ITGA8: variants seen among roughly 807,000 people sequenced by gnomAD.
The protein encoded by ITGA8 is integrin subunit alpha 8.
A neutral mutation model predicts 142.3 loss-of-function variants in ITGA8; 91 were observed. The ratio of observed to expected loss-of-function variants is 0.64; its 90% CI spans 0.54 to 0.76. The LOEUF (loss-of-function observed/expected upper bound fraction) is 0.76, where lower values mean the gene tolerates loss of function less well. Ranked by LOEUF, ITGA8 falls within the 30% of genes least tolerant of loss-of-function variation. The probability of loss-of-function intolerance (pLI) is 0.00; values close to 1 mark genes in which losing one functional copy is unlikely to be tolerated. For missense variants in ITGA8, 1,406 were observed against 1,327.7 expected, an observed-to-expected ratio of 1.06 and a Z score of -0.92; for synonymous variants, 505 against 485.2, an observed-to-expected ratio of 1.04 and a Z score of -0.54.
chr10:15,671,309 C>T (rs1302082781), intron 8 of ITGA8, among the ~76,000 whole-genome samples: 1 of 152,122 alleles, frequency 6.6e-6, no homozygotes, highest in Non-Finnish European at 1.5e-5. Flanking sequence ...TTTGATCTGT[C>T]ACTAACAGTA....
intron 21 of ITGA8, among the ~76,000 whole-genome samples, chr10:15,594,754 C>CCA (rs1167250947): frequency 6.6e-6 from 1 of 152,054 alleles, no homozygotes. Flanking sequence ...TGCACTCTAG[C>CCA]CAGGGCAATA....
intron 3 of ITGA8, among the ~76,000 whole-genome samples, chr10:15,687,158 G>A (rs1263712095): frequency 1.3e-5 from 2 of 151,992 alleles, no homozygotes; most frequent in African/African-American, 4.8e-5. Flanking sequence ...AAATCTTTTT[G>A]GGGTTAACAG....
chr10:15,598,816 C>A (rs944903203), intron 20 of ITGA8, among the ~76,000 whole-genome samples: 1 of 152,206 alleles, frequency 6.6e-6, no homozygotes, highest in African/African-American at 2.4e-5. Flanking sequence ...TACATCCTCT[C>A]TTCAAATATC....
chr10:15,692,698 T>C (rs1460999120), intron 2 of ITGA8, among the ~76,000 whole-genome samples: 2 of 152,206 alleles, frequency 1.3e-5, no homozygotes, highest in Non-Finnish European at 2.9e-5. Flanking sequence ...ACATACACTT[T>C]GCAGATGTCA....
At position 15,619,848 on chromosome 10, in the gene ITGA8, C is replaced by T. The variant is rs939524999; in HGVS notation, c.1400-3289G>A. 3.9e-5 allele frequency among the ~76,000 whole-genome samples: 6 copies of T among 152,208 alleles called. No individual in the cohort carries two copies. The East Asian group carries it at 5.8e-4, about 15-fold the overall frequency. On this transcript the variant is annotated intron_variant, in intron 13 of 29. Coordinates refer to ENST00000378076, the MANE Select transcript of ITGA8 (RefSeq NM_003638.3). ...CCTGAATCCATATCTGTTGACATGACACCAGATAGGAGAGCTCTGTTATGA... is the reference window on the plus strand; with the variant it reads ...CCTGAATCCATATCTGTTGACATGATACCAGATAGGAGAGCTCTGTTATGA...
intron 2 of ITGA8, among the ~76,000 whole-genome samples, chr10:15,709,656 TG>T (rs1382457383): frequency 3.9e-5 from 6 of 152,208 alleles, no homozygotes; most frequent in African/African-American, 1.4e-4. Flanking sequence ...TAACAAGTTT[TG>T]TGAACTGATT....
chr10:15,530,305 T>A (rs1378660183), intron 28 of ITGA8, among the ~76,000 whole-genome samples: 1 of 152,112 alleles, frequency 6.6e-6, no homozygotes, highest in Non-Finnish European at 1.5e-5. Context: ...CCCAGCACTT[T>A]CGGAGGCTGA....
At chr10:15,589,526 T>A (rs1832886629) in intron 22 of ITGA8, among the ~76,000 whole-genome samples, 2 of 152,200 alleles carry the variant, frequency 1.3e-5, no homozygotes, top group Admixed American at 6.5e-5. Context: ...CTTCTATTTG[T>A]GGAAAAGGGA....
At chr10:15,556,718 A>G (rs761791805) in intron 26 of ITGA8, among the ~76,000 whole-genome samples, 1 of 152,186 alleles carries the variant, frequency 6.6e-6, no homozygotes, top group Non-Finnish European at 1.5e-5. Context: ...TGTTCCAATT[A>G]TGCTCTTTTA....
intron 13 of ITGA8, among the ~76,000 whole-genome samples, chr10:15,641,988 T>C (rs1383560254): frequency 6.6e-6 from 1 of 151,838 alleles, no homozygotes; most frequent in Non-Finnish European, 1.5e-5. Flanking sequence ...ATGAGCTGAG[T>C]GTGGTGGCAC....
intron 28 of ITGA8, among the ~76,000 whole-genome samples, chr10:15,520,826 A>C (rs959199495): frequency 6.6e-5 from 10 of 152,204 alleles, no homozygotes; most frequent in African/African-American, 2.4e-4. Flanking sequence ...GGATCATTTC[A>C]ATCCTGAAAC....
At chr10:15,542,856 G>A (rs1833599048) in intron 27 of ITGA8, among the ~76,000 whole-genome samples, 2 of 152,168 alleles carry the variant, frequency 1.3e-5, no homozygotes. Flanking sequence ...CATGTATCAT[G>A]GTGCTTAGCT....
chr10:15,545,020 G>A (rs1292821872), intron 27 of ITGA8, among the ~76,000 whole-genome samples: 1 of 152,096 alleles, frequency 6.6e-6, no homozygotes, highest in Non-Finnish European at 1.5e-5. Context: ...TGTAACCTCA[G>A]GAGAGACACT....
rs761508386 is a variant in ITGA8, at chr10:15,613,759, G to C, written c.1454C>G (p.Pro485Arg). Reference sequence around the variant, plus strand: ...AAGCTGGGCATCTACAGTCACAACCGGTCTTGCTCTGCGGGGAGAAAATGC... The same window carrying C: ...AAGCTGGGCATCTACAGTCACAACCCGTCTTGCTCTGCGGGGAGAAAATGC... ...TGKVAVYRAR[P>R]VVTVDAQLLL... Residue 485 changes from proline to arginine, a missense_variant, in exon 15 of 30, where the codon CCG (proline) becomes CGG (arginine). Transcript: ENST00000378076. The C allele has an allele frequency of 5.0e-6, 8 of 1,612,520 alleles. No individual in the cohort carries two copies. The East Asian group carries it at 1.8e-4, about 36-fold the overall frequency.
chr10:15,550,124 A>G (rs1166411452), intron 26 of ITGA8, among the ~76,000 whole-genome samples: 1 of 152,112 alleles, frequency 6.6e-6, no homozygotes, highest in Non-Finnish European at 1.5e-5. Flanking sequence ...ACGAGATCTG[A>G]TGGCTTTATA....
At chr10:15,601,509 A>G (rs1343700931) in intron 20 of ITGA8, among the ~76,000 whole-genome samples, 1 of 152,216 alleles carries the variant, frequency 6.6e-6, no homozygotes, top group African/African-American at 2.4e-5. Context: ...TGATGGTTGC[A>G]CTACCACGTA....
At chr10:15,574,631 C>T (rs1023766621) in intron 24 of ITGA8, among the ~76,000 whole-genome samples, 9 of 152,030 alleles carry the variant, frequency 5.9e-5, no homozygotes, top group South Asian at 4.2e-4. Context: ...CCTCATGATC[C>T]GCCTGCCTTG....
chr10:15,562,420 G>C (rs1157082662), intron 25 of ITGA8, among the ~76,000 whole-genome samples: 1 of 152,158 alleles, frequency 6.6e-6, no homozygotes, highest in Non-Finnish European at 1.5e-5. Context: ...TTTCAGGGCA[G>C]GGGCTTGGAA....
At chr10:15,595,331 C>T (rs1832994503) in intron 21 of ITGA8, among the ~76,000 whole-genome samples, 1 of 152,038 alleles carries the variant, frequency 6.6e-6, no homozygotes, top group South Asian at 2.1e-4. Flanking sequence ...TGAGAGTATT[C>T]TTTGTAGAGT....
Sources: allele counts gnomAD v4.1 joint callset (sites outside exome capture counted in the v4.1 genomes callset), GRCh38; gene constraint gnomAD v4.1.1; transcripts MANE v1.5; gene names NCBI Gene and HGNC (gene_info 2026-07-23, HGNC 2026-07-21).